The following SLC24A2 variants were observed in gnomAD, a reference collection of about 807,000 sequenced individuals.
SLC24A2 encodes the protein sodium/potassium/calcium exchanger 2.
Under a neutral mutation model 62.0 loss-of-function variants are expected in SLC24A2, and 36 were observed. That is an observed-to-expected ratio of 0.58 (90% CI 0.44 to 0.77). The LOEUF (loss-of-function observed/expected upper bound fraction) is 0.77, where lower values mean the gene tolerates loss of function less well. SLC24A2 is among the 30% of genes least tolerant of loss of function. The pLI is 0.00. For missense variants in SLC24A2, 846 were observed against 817.9 expected (o/e 1.03, Z -0.42); for synonymous variants, 358 against 294.0 (o/e 1.22, Z -2.23).
chr9:19,741,474 C>T (rs542977870), intron 2 of SLC24A2, among the ~76,000 whole-genome samples: 1 of 152,300 alleles, frequency 6.6e-6, no homozygotes, highest in Non-Finnish European at 1.5e-5. Flanking sequence ...ACAGCCTCAA[C>T]ACTCTCTGCT....
At chr9:19,665,637 G>A (rs186819374) in intron 2 of SLC24A2, among the ~76,000 whole-genome samples, 1 of 152,024 alleles carries the variant, frequency 6.6e-6, no homozygotes, top group African/African-American at 2.4e-5. Context: ...ATTTGTTGTT[G>A]TTGTTTGAGA....
chr9:20,064,220 C>T, the SLC24A2 span, among the ~76,000 whole-genome samples: 1 of 152,012 alleles, frequency 6.6e-6, no homozygotes, highest in African/African-American at 2.4e-5. Flanking sequence ...GTGAGATCCA[C>T]AAGGATACAT....
At chr9:20,224,947 C>T in the SLC24A2 span, among the ~76,000 whole-genome samples, 1 of 152,060 alleles carries the variant, frequency 6.6e-6, no homozygotes, top group South Asian at 2.1e-4. Flanking sequence ...CACCAAGCAG[C>T]CAATGACTAC....
At chr9:19,636,072 C>T (rs1200615182) in intron 2 of SLC24A2, among the ~76,000 whole-genome samples, 1 of 152,136 alleles carries the variant, frequency 6.6e-6, no homozygotes, top group Non-Finnish European at 1.5e-5. Flanking sequence ...AGATCTCCTT[C>T]CTTCCCTACT....
At chr9:20,230,321 A>C in the SLC24A2 span, among the ~76,000 whole-genome samples, 1 of 152,192 alleles carries the variant, frequency 6.6e-6, no homozygotes. Flanking sequence ...TGATTTCCAC[A>C]ATGGTTGAAC....
intron 9 of SLC24A2, 88 bp downstream of exon 9, chr9:19,527,961 G>C (rs1586895083): frequency 1.2e-6 from 1 of 829,256 alleles, no homozygotes; most frequent in East Asian, 2.7e-5. Context: ...TGTTGTGGCA[G>C]TTGCAGAAAG....
the SLC24A2 span, among the ~76,000 whole-genome samples, chr9:19,953,305 C>T: frequency 6.6e-6 from 1 of 151,882 alleles, no homozygotes; most frequent in Non-Finnish European, 1.5e-5. Flanking sequence ...ATCTTAGAAG[C>T]ACATGAAAAC....
At chr9:19,971,858 A>G in the SLC24A2 span, among the ~76,000 whole-genome samples, 3 of 152,200 alleles carry the variant, frequency 2.0e-5, no homozygotes, top group Admixed American at 1.3e-4. Context: ...ATGTCAACTC[A>G]TTTAATCTTC....
At chr9:20,236,419 T>C in the SLC24A2 span, among the ~76,000 whole-genome samples, 1 of 152,220 alleles carries the variant, frequency 6.6e-6, no homozygotes, top group African/African-American at 2.4e-5. Context: ...GTGTGAGTGT[T>C]GGTTTGAAAG....
At chr9:20,266,806 A>G in the SLC24A2 span, among the ~76,000 whole-genome samples, 2 of 152,230 alleles carry the variant, frequency 1.3e-5, no homozygotes, top group African/African-American at 2.4e-5. Context: ...TGCCAGGTGC[A>G]GTGGCTCATG....
At chr9:20,223,107 C>A in the SLC24A2 span, among the ~76,000 whole-genome samples, 3 of 151,634 alleles carry the variant, frequency 2.0e-5, no homozygotes, top group Admixed American at 6.6e-5. Flanking sequence ...TAGCAATAAC[C>A]ACATGGAAAT....
At chr9:19,965,895 T>A in the SLC24A2 span, among the ~76,000 whole-genome samples, 1 of 152,142 alleles carries the variant, frequency 6.6e-6, no homozygotes, top group Non-Finnish European at 1.5e-5. Flanking sequence ...AAACTATGAG[T>A]AAAGACATAT....
chr9:19,838,018 C>T, the SLC24A2 span, among the ~76,000 whole-genome samples: 2 of 150,362 alleles, frequency 1.3e-5, no homozygotes, highest in East Asian at 1.9e-4. Flanking sequence ...GATTCAATGC[C>T]ATCCCCATCA....
intron 2 of SLC24A2, among the ~76,000 whole-genome samples, chr9:19,716,652 C>T (rs1251865392): frequency 5.9e-5 from 9 of 152,136 alleles, no homozygotes; most frequent in Non-Finnish European, 1.2e-4. Context: ...CCTAGAATAG[C>T]TTTTTGATAA....
chr9:20,039,090 A>G, the SLC24A2 span, among the ~76,000 whole-genome samples: 340 of 152,346 alleles, frequency 2.2e-3, 4 homozygotes, highest in East Asian at 0.017. Flanking sequence ...AGAAAAAGAA[A>G]GCAAGAGGAA....
At chr9:19,550,311 A>T in intron 7 of SLC24A2, 43 bp from the exon 8 acceptor site, 1 of 1,598,348 alleles carries the variant, frequency 6.3e-7, no homozygotes, top group Non-Finnish European at 8.6e-7. Context: ...CAAAAAAATA[A>T]AATGTACACA....
chr9:20,068,569 T>C, the SLC24A2 span, among the ~76,000 whole-genome samples: 1 of 152,126 alleles, frequency 6.6e-6, no homozygotes, highest in Admixed American at 6.5e-5. Flanking sequence ...ACTGGTAACA[T>C]TCAAGCTAAG....
intron 2 of SLC24A2, among the ~76,000 whole-genome samples, chr9:19,649,384 T>C (rs563908385): frequency 3.0e-4 from 46 of 152,216 alleles, no homozygotes; most frequent in African/African-American, 1.1e-3. Flanking sequence ...GAAAGAAAGA[T>C]AGAAAATACT....
intron 2 of SLC24A2, among the ~76,000 whole-genome samples, chr9:19,649,458 T>C (rs947329275): frequency 5.3e-5 from 8 of 152,144 alleles, no homozygotes; most frequent in Non-Finnish European, 7.4e-5. Context: ...ACTAGAACCA[T>C]ATGTTCATGA....
Sources: allele counts gnomAD v4.1 joint callset (sites outside exome capture counted in the v4.1 genomes callset), GRCh38; gene constraint gnomAD v4.1.1; transcripts MANE v1.5; gene names NCBI Gene and HGNC (gene_info 2026-07-23, HGNC 2026-07-21).